The following TECPR1 variants were observed in gnomAD, a reference collection of about 807,000 sequenced individuals.
TECPR1 encodes tectonin beta-propeller repeat-containing protein 1.
Under a neutral mutation model 162.4 loss-of-function variants are expected in TECPR1, and 122 were observed. The observed-to-expected ratio is 0.75, with a 90% CI of 0.65 to 0.87. The LOEUF (loss-of-function observed/expected upper bound fraction) is 0.87. Ranked by LOEUF, TECPR1 falls within the 40% of genes least tolerant of loss-of-function variation. The probability of loss-of-function intolerance (pLI) is 0.00; values close to 1 mark genes in which losing one functional copy is unlikely to be tolerated. For synonymous variants in TECPR1, 642 were observed against 670.6 expected (o/e 0.96, Z 0.66); for missense variants, 1,432 against 1,618.2 (o/e 0.88, Z 1.97).
Position 98,231,110 on chromosome 7 carries a change from C to T in TECPR1, c.2133G>A (p.Leu711=). The T allele has an allele frequency of 1.2e-6, 2 of 1,600,900 alleles. No homozygotes were observed. Among genetic ancestry groups the T allele is most frequent in the Middle Eastern group, 1.7e-4 (1 of 6,040 alleles). Residue 711 remains leucine (L), a synonymous_variant, in exon 15 of 26, where the codon CTG becomes CTA. Coordinates refer to ENST00000447648, the MANE Select transcript of TECPR1 (RefSeq NM_015395.3). ...GGCTCTCGCAGCAAGACAGGCTGAGCAGGGCGAGCTGGTGTGGCACAATGC... is the reference window on the plus strand; with the variant it reads ...GGCTCTCGCAGCAAGACAGGCTGAGTAGGGCGAGCTGGTGTGGCACAATGC... The part of the protein sequence containing the change: ...TEQDMNDWLA[L]LSLSCCESRK...
At chr7:98,230,214 C>T (rs1266623362) in intron 15 of TECPR1, among the ~76,000 whole-genome samples, 3 of 151,910 alleles carry the variant, frequency 2.0e-5, no homozygotes, top group Non-Finnish European at 1.5e-5. Context: ...CTATGTTGCC[C>T]AGGCTGGTCT....
chr7:98,233,635 G>A lies in TECPR1; in HGVS notation c.1458C>T (p.Pro486=). 3 of 1,590,946 alleles carry A rather than the reference G, an allele frequency of 1.9e-6. No individual in the cohort carries two copies. The highest frequency in any genetic ancestry group is 2.6e-6 in the Non-Finnish European group (3 of 1,167,592). The change falls in exon 11 of 26, where the codon CCC becomes CCT. Residue 486 remains proline (P), a synonymous_variant. Coordinates refer to ENST00000447648, the MANE Select transcript of TECPR1 (RefSeq NM_015395.3). ...PGPAPTPAEL[P]WTNIDLKEAK... is the part of the protein sequence containing the mutation. The stretch of plus-strand genomic sequence containing the variant: ...CCTCCTTGAGGTCAATATTGGTCCA[G>A]GGCAGCTCGGCCGGGGTGGGGGCCG...
At chr7:98,238,663 G>T in intron 8 of TECPR1, 53 bp from the exon 9 acceptor site, 1 of 1,442,260 alleles carries the variant, frequency 6.9e-7, no homozygotes, top group Non-Finnish European at 9.5e-7. Flanking sequence ...GAAACAGACG[G>T]TTCGTTCGTT....
Position 98,229,227 on chromosome 7 carries a change from G to A in TECPR1, c.2283-61C>T, listed in dbSNP as rs1798358195. 13 of 1,523,660 alleles carry A rather than the reference G, an allele frequency of 8.5e-6. No homozygotes were observed. The South Asian group carries it at 1.6e-4, about 19-fold the overall frequency. 94.4% of individuals were successfully genotyped at this position (1,523,660 alleles called of 1,614,324 possible). A position where few individuals can be genotyped will look rare whatever the true frequency, so the allele number is the denominator to read the frequency against. On this transcript the variant is annotated intron_variant, in intron 15 of 25. Transcript: ENST00000447648. The stretch of plus-strand genomic sequence containing the variant: ...AGACCCCACCTTCCAACCCTGCCTG[G>A]CTGCCCTTTTGTTCCGTGTCCTCCT...
At chr7:98,235,100 C>T (rs958338877) in intron 10 of TECPR1, among the ~76,000 whole-genome samples, 1 of 152,176 alleles carries the variant, frequency 6.6e-6, no homozygotes, top group Non-Finnish European at 1.5e-5. Flanking sequence ...TCCAATTTAT[C>T]TGTATTTCCT....
chr7:98,225,246 G>A (rs1798252405), intron 17 of TECPR1, 144 bp from the exon 18 acceptor site: 1 of 768,058 alleles, frequency 1.3e-6, no homozygotes, highest in African/African-American at 1.8e-5. Context: ...CCTAAGAGGT[G>A]ACAGCCTGCT....
At chr7:98,237,061 G>C in intron 9 of TECPR1, 140 bp from the exon 10 acceptor site, 1 of 952,624 alleles carries the variant, frequency 1.0e-6, no homozygotes. Context: ...GGGGCTGTGT[G>C]GTGGGCACAG....
intron 25 of TECPR1, 75 bp from the exon 26 acceptor site, chr7:98,217,578 C>A (rs1584317512): frequency 6.5e-7 from 1 of 1,539,100 alleles, no homozygotes; most frequent in South Asian, 1.2e-5. Context: ...TGGGGGCCTC[C>A]CTGCAACCCA....
At chr7:98,240,108 CA>C (rs1361818171) in intron 8 of TECPR1, among the ~76,000 whole-genome samples, 1 of 151,292 alleles carries the variant, frequency 6.6e-6, no homozygotes. Flanking sequence ...CACTCCGTCT[CA>C]AAAAAAACAA....
chr7:98,220,285 A>C (rs1798109888), intron 23 of TECPR1, among the ~76,000 whole-genome samples: 1 of 152,110 alleles, frequency 6.6e-6, no homozygotes, highest in South Asian at 2.1e-4. Context: ...CGGAGGTTGC[A>C]GTAAGCCGAG....
At chr7:98,234,159 TTTC>T (rs1373056741) in intron 10 of TECPR1, among the ~76,000 whole-genome samples, 4 of 152,150 alleles carry the variant, frequency 2.6e-5, no homozygotes, top group African/African-American at 7.2e-5. Context: ...AGAATTAGTA[TTTC>T]TTCTTTTTTT....
Position 98,235,849 on chromosome 7 carries a change from A to AAAAAAAAAAC in TECPR1, c.1181+926_1181+927insGTTTTTTTTT. The stretch of plus-strand genomic sequence containing the variant: ...TCTCAAAAAAAAAAAAAAAAAAAAA[A>AAAAAAAAAAC]AACACCATCTGAGCAGACTAAACCC... On this transcript the variant is annotated intron_variant, in intron 10 of 25. Coordinates refer to ENST00000447648, the MANE Select transcript of TECPR1 (RefSeq NM_015395.3). 1.1e-3 allele frequency among the ~76,000 whole-genome samples: 126 copies of AAAAAAAAAAC among 110,228 alleles called. 1 individual carries two copies. Among genetic ancestry groups the AAAAAAAAAAC allele is most frequent in the African/African-American group, 3.8e-3 (124 of 32,374 alleles). 72.3% of individuals were successfully genotyped at this position (110,228 alleles called of 152,430 possible). A position where few individuals can be genotyped will look rare whatever the true frequency, so the allele number is the denominator to read the frequency against.
At chr7:98,243,400 G>T (rs145073539) in intron 6 of TECPR1, 67 bp downstream of exon 6, 4 of 1,592,624 alleles carry the variant, frequency 2.5e-6, no homozygotes, top group Non-Finnish European at 3.4e-6. Flanking sequence ...CCCAGGGGGT[G>T]CACAGGACAG....
intron 16 of TECPR1, chr7:98,228,420 G>C: frequency 1.6e-5 from 6 of 369,002 alleles, no homozygotes; most frequent in Admixed American, 7.3e-5. Context: ...CTTAGCACCA[G>C]GGAGGCATGA....
At chr7:98,218,702 G>C (rs1332651220) in intron 23 of TECPR1, among the ~76,000 whole-genome samples, 1 of 152,136 alleles carries the variant, frequency 6.6e-6, no homozygotes, top group African/African-American at 2.4e-5. Flanking sequence ...AAACACTGCT[G>C]AAAGAAATCA....
chr7:98,224,418 C>T (rs1366251491), intron 19 of TECPR1, among the ~76,000 whole-genome samples: 1 of 152,222 alleles, frequency 6.6e-6, no homozygotes, highest in African/African-American at 2.4e-5. Context: ...CCCCCCAGAG[C>T]TCACCCTGCT....
At chr7:98,225,563 G>A (rs548394396) in intron 17 of TECPR1, among the ~76,000 whole-genome samples, 1 of 151,774 alleles carries the variant, frequency 6.6e-6, no homozygotes, top group South Asian at 2.1e-4. Flanking sequence ...GCGGGGGGAG[G>A]GGGGAAAATT....
intron 3 of TECPR1, 60 bp from the exon 4 acceptor site, chr7:98,245,127 C>T (rs771115428): frequency 2.1e-5 from 33 of 1,536,476 alleles, no homozygotes; most frequent in East Asian, 2.4e-5. Context: ...GGAACCCAGG[C>T]GGGCCAGGCA....
At position 98,223,112 on chromosome 7, in the gene TECPR1, C is replaced by T; in HGVS notation, c.2806G>A (p.Asp936Asn). Residue 936 changes from aspartate (D) to asparagine (N), a missense_variant, in exon 21 of 26, where the codon GAC (aspartate) becomes AAC (asparagine). Asp to Asn is a conservative substitution (Grantham distance 23). Coordinates refer to ENST00000447648, the MANE Select transcript of TECPR1 (RefSeq NM_015395.3). Reference protein sequence around the residue: ...WLEVPPIALRDVSIIPESPGA... With the variant: ...WLEVPPIALRNVSIIPESPGA... ...GGGCTCTCCGGGATGATGGACACGTCCCTGAGGGCGATGGGGGGCACCTCC... is the reference window on the plus strand; with the variant it reads ...GGGCTCTCCGGGATGATGGACACGTTCCTGAGGGCGATGGGGGGCACCTCC... 6.2e-7 allele frequency: 1 copy of T among 1,604,344 alleles called. No individual in the cohort carries two copies. Among genetic ancestry groups the T allele is most frequent in the Non-Finnish European group, 8.5e-7 (1 of 1,176,060 alleles).
Sources: allele counts gnomAD v4.1 joint callset (sites outside exome capture counted in the v4.1 genomes callset), GRCh38; gene constraint gnomAD v4.1.1; transcripts MANE v1.5; gene names NCBI Gene and HGNC (gene_info 2026-07-23, HGNC 2026-07-21).